Variants in TTC3 observed in about 807,000 individuals in gnomAD.
TTC3 encodes the protein E3 ubiquitin-protein ligase TTC3.
Under a neutral mutation model 249.6 loss-of-function variants are expected in TTC3, and 180 were observed. The observed-to-expected ratio is 0.72, with a 90% confidence interval of 0.64 to 0.82. The LOEUF (loss-of-function observed/expected upper bound fraction) is 0.82. Ranked by LOEUF, TTC3 falls within the 40% of genes least tolerant of loss-of-function variation. The pLI, the probability that TTC3 is intolerant of heterozygous loss-of-function variation, is 0.00. For synonymous variants in TTC3, 717 were observed against 805.0 expected (o/e 0.89, Z 1.85); for missense variants, 2,061 against 2,398.4 (o/e 0.86, Z 2.94).
chr21:37,196,134 AG>A lies in TTC3; in HGVS notation c.5579+101del, dbSNP rs2084879149. 5 of 1,469,256 alleles carry A rather than the reference AG, an allele frequency of 3.4e-6. No individual in the cohort carries two copies. In the South Asian group the frequency reaches 6.9e-5, roughly 20 times the overall value. The allele number at this position is 1,469,256 out of a possible 1,614,324, so 91.0% of individuals were successfully genotyped here. A position where few individuals can be genotyped will look rare whatever the true frequency, so the allele number is the denominator to read the frequency against. On this transcript the variant is annotated intron_variant, in intron 42 of 45. Transcript: ENST00000355666. ...TGGCTAGTTAGGTGTTAACATGAAA[AG>A]GGTTGCATAATTGTTTTGCTCAGAA...
At chr21:37,105,898 C>G (rs2075033966) in intron 10 of TTC3, among the ~76,000 whole-genome samples, 1 of 152,126 alleles carries the variant, frequency 6.6e-6, no homozygotes, top group Non-Finnish European at 1.5e-5. Flanking sequence ...TCCTATTTGG[C>G]TTTTACAGGT....
intron 11 of TTC3, among the ~76,000 whole-genome samples, chr21:37,111,827 A>G (rs545909121): frequency 1.3e-5 from 2 of 152,268 alleles, no homozygotes; most frequent in East Asian, 3.9e-4. Context: ...AATGTAAAAG[A>G]ACAGAAATTA....
chr21:37,192,196 T>C (rs367748352), exon 41 of TTC3: 13 of 1,605,188 alleles, frequency 8.1e-6, no homozygotes. Flanking sequence ...TGAGCTTTCA[T>C]TTCCTGCCTG....
chr21:37,188,165 G>C (rs111996998), intron 38 of TTC3: 1,678 of 163,368 alleles, frequency 0.01, 16 homozygotes, highest in East Asian at 0.03. Flanking sequence ...GGGTTATTCT[G>C]CTGCAGGACC....
intron 1 of TTC3, 190 bp from the exon 2 acceptor site, chr21:37,087,057 T>C: frequency 1.7e-6 from 1 of 597,102 alleles, no homozygotes; most frequent in Admixed American, 3.3e-5. Flanking sequence ...ATAGATTAAA[T>C]TATCTGGAGA....
intron 11 of TTC3, among the ~76,000 whole-genome samples, chr21:37,118,621 T>C (rs2035074084): frequency 6.6e-6 from 1 of 152,194 alleles, no homozygotes; most frequent in South Asian, 2.1e-4. Flanking sequence ...GGGAATTAAT[T>C]GGCTCATGTA....
At chr21:37,082,943 T>C (rs1182458256) in intron 1 of TTC3, 2 of 982,866 alleles carry the variant, frequency 2.0e-6, no homozygotes, top group Non-Finnish European at 2.4e-6. Flanking sequence ...AAGATTTGAG[T>C]TATCCTAAAG....
chr21:37,099,916 T>C (rs1204658600), intron 10 of TTC3, among the ~76,000 whole-genome samples: 1 of 152,230 alleles, frequency 6.6e-6, no homozygotes, highest in African/African-American at 2.4e-5. Context: ...AAATATGGTA[T>C]ATTCATACAA....
intron 11 of TTC3, among the ~76,000 whole-genome samples, chr21:37,108,735 G>A (rs932006277): frequency 6.6e-6 from 1 of 152,134 alleles, no homozygotes; most frequent in African/African-American, 2.4e-5. Context: ...TGTGAAAAAT[G>A]ACTTAAAACT....
intron 1 of TTC3, among the ~76,000 whole-genome samples, chr21:37,084,963 AG>A (rs899390559): frequency 3.6e-4 from 54 of 151,948 alleles, no homozygotes; most frequent in African/African-American, 1.3e-3. Context: ...AGTGCACTCC[AG>A]CCTGGGCGAC....
At chr21:37,113,051 A>C (rs1400661588) in intron 11 of TTC3, among the ~76,000 whole-genome samples, 1 of 152,234 alleles carries the variant, frequency 6.6e-6, no homozygotes, top group Non-Finnish European at 1.5e-5. Flanking sequence ...TCAAAATAAT[A>C]AGAGCTAGCT....
intron 11 of TTC3, among the ~76,000 whole-genome samples, chr21:37,108,818 C>A (rs2075330990): frequency 6.6e-6 from 1 of 152,126 alleles, no homozygotes; most frequent in South Asian, 2.1e-4. Context: ...CACAAATCAG[C>A]AGTGAAGACA....
At chr21:37,198,052 T>C in intron 44 of TTC3, 27 bp downstream of exon 44, 5 of 1,537,676 alleles carry the variant, frequency 3.3e-6, no homozygotes, top group Non-Finnish European at 4.4e-6. Flanking sequence ...AGTTTTGTTT[T>C]TTAATGAAAA....
chr21:37,102,957 A>G (rs747869590), intron 10 of TTC3, among the ~76,000 whole-genome samples: 1 of 152,252 alleles, frequency 6.6e-6, no homozygotes, highest in Non-Finnish European at 1.5e-5. Flanking sequence ...AGATTGCGCC[A>G]CTGCACTCCA....
At chr21:37,082,680 A>G (rs1275636283) in intron 1 of TTC3, 2 of 983,454 alleles carry the variant, frequency 2.0e-6, no homozygotes, top group South Asian at 4.7e-5. Context: ...ATGTTCCCCT[A>G]TTTCTATGAG....
chr21:37,175,729 G>T (rs534727581), intron 35 of TTC3, among the ~76,000 whole-genome samples: 1 of 151,858 alleles, frequency 6.6e-6, no homozygotes. Flanking sequence ...AGGCAATTAG[G>T]CCAGTTATCT....
chr21:37,101,325 T>G (rs1000716962), intron 10 of TTC3: 1 of 151,158 alleles, frequency 6.6e-6, no homozygotes, highest in Non-Finnish European at 1.5e-5. Flanking sequence ...AAGCACTGTA[T>G]GTTTCTGTGA....
At position 37,074,017 on chromosome 21, in the gene TTC3, GTA is replaced by G. The variant is rs558540354; in HGVS notation, c.-12+655_-12+656del. On this transcript the variant is annotated intron_variant, in intron 1 of 45. Coordinates refer to ENST00000355666, the Ensembl canonical transcript of TTC3. ...GTGCGGATTTAATTCTGTCGAGTGG[GTA>G]TCTCTTGTGTGCAGGTTTCGTTGGT... Among the ~76,000 whole-genome samples the G allele has an allele frequency of 5.5e-3, 834 of 152,338 alleles. 7 individuals carry two copies. The highest frequency in any genetic ancestry group is 0.019 in the African/African-American group (799 of 41,572).
Position 37,135,516 on chromosome 21 carries a change from T to C in TTC3, c.1578+2T>C, listed in dbSNP as rs1430483971. ...GGTTTAGATCCTCAAAAAATAAAGG[T>C]AAATTTGCCATATCATAACTTGTTT... On this transcript the variant is annotated splice_donor_variant, in intron 18 of 45. Coordinates refer to ENST00000355666, the Ensembl canonical transcript of TTC3. LOFTEE classifies it high-confidence loss of function. The C allele has an allele frequency of 6.2e-7, 1 of 1,611,320 alleles. No individual in the cohort carries two copies. The highest frequency in any genetic ancestry group is 8.5e-7 in the Non-Finnish European group (1 of 1,178,654).
Sources: gnomAD v4.1 joint callset for allele counts (sites outside exome capture counted in the v4.1 genomes callset) on GRCh38, gnomAD v4.1.1 for gene constraint, MANE v1.5 for transcripts, NCBI Gene and HGNC (gene_info 2026-07-23, HGNC 2026-07-21) for gene names.